Variants in KCNIP1 observed in about 807,000 individuals in gnomAD.
The protein encoded by KCNIP1 is A-type potassium channel modulatory protein KCNIP1.
In KCNIP1, 18 loss-of-function variants were observed where a neutral mutation model predicts 33.0. The observed-to-expected ratio is 0.55, with a 90% CI of 0.38 to 0.81. KCNIP1 has a LOEUF of 0.81. Among genes scored for constraint, KCNIP1 ranks in the 30% least tolerant of loss-of-function variants. The pLI, the probability that KCNIP1 is intolerant of heterozygous loss-of-function variation, is 0.00. For missense variants in KCNIP1, 238 were observed against 271.6 expected (o/e 0.88, Z 0.87); for synonymous variants, 93 against 98.3 (o/e 0.95, Z 0.32).
upstream of KCNIP1, among the ~76,000 whole-genome samples, chr5:170,502,187 G>T (rs1356096649): frequency 6.6e-6 from 1 of 152,218 alleles, no homozygotes; most frequent in Admixed American, 6.5e-5. Flanking sequence ...AATTCACAGG[G>T]GTTTGGTGGG....
intron 1 of KCNIP1, among the ~76,000 whole-genome samples, chr5:170,666,592 C>G (rs1276416518): frequency 6.6e-6 from 1 of 152,092 alleles, no homozygotes; most frequent in Non-Finnish European, 1.5e-5. Flanking sequence ...AATAAGTATC[C>G]CAAATAATCC....
In KCNIP1 at chr5:170,611,653, A is replaced by G. The variant is rs138876885; in HGVS notation, c.61+107020A>G. On this transcript the variant is annotated intron_variant, in intron 1 of 7. Coordinates refer to ENST00000328939, the MANE Select transcript of KCNIP1 (RefSeq NM_014592.4). Reference sequence around the variant, plus strand: ...AGGAACCCGGCACACCCACCTCCCAACACCTCCCAAGCCCACTCCACCTTC... The same window carrying G: ...AGGAACCCGGCACACCCACCTCCCAGCACCTCCCAAGCCCACTCCACCTTC... Among the ~76,000 whole-genome samples the G allele has an allele frequency of 5.8e-3, 878 of 152,122 alleles. 5 individuals carry two copies. Among genetic ancestry groups the G allele is most frequent in the African/African-American group, 0.02 (832 of 41,498 alleles).
At chr5:170,684,945 A>G (rs1762490128) in intron 1 of KCNIP1, among the ~76,000 whole-genome samples, 1 of 144,934 alleles carries the variant, frequency 6.9e-6, no homozygotes, top group Non-Finnish European at 1.5e-5. Flanking sequence ...AGACAAGAAC[A>G]CTTTTACTTC....
intron 1 of KCNIP1, among the ~76,000 whole-genome samples, chr5:170,638,345 G>T (rs1035101442): frequency 2.6e-5 from 4 of 152,088 alleles, no homozygotes; most frequent in African/African-American, 9.7e-5. Context: ...TGCCTGCATC[G>T]TAGCTCATGG....
rs112729307 is a variant in KCNIP1, at chr5:170,364,673, C to T, written c.88+10709C>T. 1.1e-4 allele frequency among the ~76,000 whole-genome samples: 16 copies of T among 152,322 alleles called. 1 individual carries two copies. The highest frequency in any genetic ancestry group is 3.6e-4 in the African/African-American group (15 of 41,576). ...CTGCGGTTGCCGTCCCTCCTCATCTCCCCCAACACATTGCCTAATGCTGCC... is the reference window on the plus strand; with the variant it reads ...CTGCGGTTGCCGTCCCTCCTCATCTTCCCCAACACATTGCCTAATGCTGCC... On this transcript the variant is annotated intron_variant, in intron 1 of 7. Coordinates refer to the KCNIP1 transcript ENST00000377360.
At chr5:170,555,218 C>A (rs549561777) in intron 1 of KCNIP1, among the ~76,000 whole-genome samples, 7 of 152,218 alleles carry the variant, frequency 4.6e-5, no homozygotes, top group African/African-American at 1.7e-4. Flanking sequence ...GGCGCTCAGC[C>A]TACTTTTTGA....
chr5:170,635,312 G>C (rs1200178186), intron 1 of KCNIP1, among the ~76,000 whole-genome samples: 1 of 152,212 alleles, frequency 6.6e-6, no homozygotes, highest in South Asian at 2.1e-4. Flanking sequence ...TTACAGGAGT[G>C]AGCCATCACG....
chr5:170,545,750 C>G (rs1240624009), intron 1 of KCNIP1, among the ~76,000 whole-genome samples: 2 of 151,918 alleles, frequency 1.3e-5, no homozygotes, highest in African/African-American at 4.8e-5. Context: ...GTTCATTTTG[C>G]CCATCTTTTT....
At chr5:170,648,022 A>G (rs1452007729) in intron 1 of KCNIP1, among the ~76,000 whole-genome samples, 1 of 152,216 alleles carries the variant, frequency 6.6e-6, no homozygotes, top group Non-Finnish European at 1.5e-5. Flanking sequence ...TAAGCATGTG[A>G]AAAAATGCTC....
intron 1 of KCNIP1, among the ~76,000 whole-genome samples, chr5:170,426,724 C>T (rs1755623621): frequency 6.6e-6 from 1 of 152,262 alleles, no homozygotes; most frequent in East Asian, 1.9e-4. Context: ...ACAGTTCACA[C>T]TCCACCCAGA....
intron 1 of KCNIP1, among the ~76,000 whole-genome samples, chr5:170,442,207 C>A (rs978741354): frequency 6.6e-6 from 1 of 152,048 alleles, no homozygotes; most frequent in Non-Finnish European, 1.5e-5. Flanking sequence ...GAGGAGACAG[C>A]GTTGCAAAGA....
intron 1 of KCNIP1, among the ~76,000 whole-genome samples, chr5:170,425,951 C>T (rs1299566921): frequency 1.3e-5 from 2 of 152,146 alleles, no homozygotes; most frequent in African/African-American, 2.4e-5. Context: ...AGCACTGGTC[C>T]GTGGCATGCT....
intron 1 of KCNIP1, among the ~76,000 whole-genome samples, chr5:170,404,516 G>A (rs1754986974): frequency 1.3e-5 from 2 of 152,116 alleles, no homozygotes; most frequent in Non-Finnish European, 2.9e-5. Flanking sequence ...GGTCCCAGGG[G>A]CCTCCCTTGT....
At chr5:170,633,434 A>G (rs940883629) in intron 1 of KCNIP1, among the ~76,000 whole-genome samples, 7 of 151,176 alleles carry the variant, frequency 4.6e-5, no homozygotes, top group African/African-American at 1.2e-4. Flanking sequence ...GAAGTTGGGG[A>G]CTGGATATGC....
In KCNIP1 at chr5:170,504,031, C is replaced by A. The variant is rs896003295; in HGVS notation, c.-542C>A. The A allele has an allele frequency of 2.0e-6, 2 of 984,092 alleles. No homozygotes were observed. The highest frequency in any genetic ancestry group is 3.6e-5 in the African/African-American group (2 of 55,868). 61.0% of individuals were successfully genotyped at this position (984,092 alleles called of 1,614,324 possible). ...CCCTCCGCCGCTCCGACTCTCGCCCCGAGCGCTGGCAGCAGGCAGCAGGCA... is the reference window on the plus strand; with the variant it reads ...CCCTCCGCCGCTCCGACTCTCGCCCAGAGCGCTGGCAGCAGGCAGCAGGCA... On this transcript the variant is annotated 5_prime_UTR_variant, in exon 1 of 8. Transcript: ENST00000328939. The surrounding 1 kb of genome is among the most constrained non-coding windows in gnomAD (Gnocchi z 6.0).
intron 1 of KCNIP1, among the ~76,000 whole-genome samples, chr5:170,539,421 G>A (rs1372153036): frequency 6.6e-6 from 1 of 152,042 alleles, no homozygotes; most frequent in Non-Finnish European, 1.5e-5. Flanking sequence ...TTGCACTTTT[G>A]CAACACCAAG....
At chr5:170,596,613 A>G (rs953044452) in intron 1 of KCNIP1, among the ~76,000 whole-genome samples, 2 of 152,256 alleles carry the variant, frequency 1.3e-5, no homozygotes, top group African/African-American at 4.8e-5. Flanking sequence ...TCTGCCAGCT[A>G]CTGGCCAAAC....
intron 1 of KCNIP1, among the ~76,000 whole-genome samples, chr5:170,585,195 G>A (rs1051542420): frequency 2.0e-5 from 3 of 152,100 alleles, no homozygotes; most frequent in South Asian, 2.1e-4. Context: ...CTCTCTTAAC[G>A]ATATAGCTCT....
At chr5:170,572,286 A>T (rs932058242) in intron 1 of KCNIP1, among the ~76,000 whole-genome samples, 8 of 152,226 alleles carry the variant, frequency 5.3e-5, no homozygotes, top group Non-Finnish European at 8.8e-5. Flanking sequence ...CAAATGCAAC[A>T]TCTGCTGAGA....
Sources: gnomAD v4.1 joint callset for allele counts (sites outside exome capture counted in the v4.1 genomes callset) on GRCh38, gnomAD v4.1.1 for gene constraint, Gnocchi (gnomAD v3.1) non-coding constraint, MANE v1.5 for transcripts, NCBI Gene and HGNC (gene_info 2026-07-23, HGNC 2026-07-21) for gene names.